Variants in SLC12A8 observed in about 807,000 individuals in gnomAD.
SLC12A8 encodes the protein solute carrier family 12 member 8.
Under a neutral mutation model 75.6 loss-of-function variants are expected in SLC12A8, and 69 were observed. The ratio of observed to expected loss-of-function variants is 0.91; its 90% CI spans 0.75 to 1.11. The LOEUF (loss-of-function observed/expected upper bound fraction) is 1.11, where lower values mean the gene tolerates loss of function less well. Ranked by LOEUF, SLC12A8 falls within the 50% of genes most tolerant of loss-of-function variation. SLC12A8 has a pLI of 0.00. For missense variants in SLC12A8, 877 were observed against 896.7 expected, an observed-to-expected ratio of 0.98 and a Z score of 0.28; for synonymous variants, 365 against 372.8, an observed-to-expected ratio of 0.98 and a Z score of 0.24.
chr3:125,116,408 C>T (rs1939312616), intron 8 of SLC12A8, among the ~76,000 whole-genome samples: 1 of 152,230 alleles, frequency 6.6e-6, no homozygotes, highest in East Asian at 1.9e-4. Flanking sequence ...AGTGTCATTG[C>T]TGGGCCTGAT....
At chr3:125,170,545 T>G (rs919226930) in intron 5 of SLC12A8, among the ~76,000 whole-genome samples, 2 of 152,198 alleles carry the variant, frequency 1.3e-5, no homozygotes, top group African/African-American at 4.8e-5. Context: ...TGGAATTTAA[T>G]TACACTTTTA....
intron 6 of SLC12A8, among the ~76,000 whole-genome samples, chr3:125,129,012 G>A (rs912266416): frequency 6.6e-6 from 1 of 152,332 alleles, no homozygotes; most frequent in South Asian, 2.1e-4. Context: ...GGGCATCACA[G>A]AAATAGCTGG....
At chr3:125,196,365 T>C (rs1935008766) in intron 2 of SLC12A8, among the ~76,000 whole-genome samples, 2 of 152,218 alleles carry the variant, frequency 1.3e-5, no homozygotes, top group African/African-American at 2.4e-5. Context: ...AAATGCCAGA[T>C]AGAAAATTTG....
Position 125,177,969 on chromosome 3 carries a change from A to G in SLC12A8, c.396T>C (p.Val132=). Residue 132 remains valine (V), a synonymous_variant, in exon 5 of 14, where the codon GTT becomes GTC. Transcript: ENST00000469902. Reference sequence around the variant, plus strand: ...AGCCGGTGATATACATGGCACCTGCAACACACTGACATGCGATTCCAGGTA... The same window carrying G: ...AGCCGGTGATATACATGGCACCTGCGACACACTGACATGCGATTCCAGGTA... ...IGLLYVFGQC[V]AGAMYITGFA... 6.2e-7 allele frequency: 1 copy of G among 1,612,086 alleles called. No individual in the cohort carries two copies. Among genetic ancestry groups the G allele is most frequent in the Non-Finnish European group, 8.5e-7 (1 of 1,178,912 alleles).
At chr3:125,087,365 T>C (rs949760983) in intron 13 of SLC12A8, among the ~76,000 whole-genome samples, 1 of 152,128 alleles carries the variant, frequency 6.6e-6, no homozygotes, top group Non-Finnish European at 1.5e-5. Flanking sequence ...AGTGCTGAGA[T>C]TACAGGCGTA....
chr3:125,112,335 C>A (rs1461557858), intron 8 of SLC12A8, among the ~76,000 whole-genome samples: 1 of 152,192 alleles, frequency 6.6e-6, no homozygotes, highest in Non-Finnish European at 1.5e-5. Flanking sequence ...ACCCCACTCA[C>A]CATTTTATTA....
chr3:125,116,974 C>T (rs2107748340), intron 8 of SLC12A8, among the ~76,000 whole-genome samples: 1 of 152,300 alleles, frequency 6.6e-6, no homozygotes, highest in African/African-American at 2.4e-5. Context: ...CTATAGATTC[C>T]TGCCCTGAGA....
At chr3:125,145,322 G>T (rs999386659) in intron 5 of SLC12A8, among the ~76,000 whole-genome samples, 3 of 152,158 alleles carry the variant, frequency 2.0e-5, no homozygotes, top group African/African-American at 7.2e-5. Flanking sequence ...ATTTTCTGGG[G>T]TGTCTCTGGC....
At chr3:125,128,417 T>C (rs1050880538) in intron 6 of SLC12A8, among the ~76,000 whole-genome samples, 4 of 146,392 alleles carry the variant, frequency 2.7e-5, no homozygotes, top group African/African-American at 5.1e-5. Context: ...CCTGACCTCG[T>C]GATCCGCCCG....
chr3:125,181,919 G>A (rs1397734795), intron 4 of SLC12A8, among the ~76,000 whole-genome samples: 2 of 152,178 alleles, frequency 1.3e-5, no homozygotes, highest in African/African-American at 4.8e-5. Context: ...AGGCCCAGTG[G>A]CTCATGCCTG....
chr3:125,107,327 G>T (rs1939052643), intron 10 of SLC12A8, 154 bp downstream of exon 10: 1 of 702,622 alleles, frequency 1.4e-6, no homozygotes, highest in African/African-American at 1.8e-5. Context: ...AAATAATTCA[G>T]CTGATACCTG....
At chr3:125,178,971 A>G (rs1406832038) in intron 4 of SLC12A8, among the ~76,000 whole-genome samples, 2 of 152,230 alleles carry the variant, frequency 1.3e-5, no homozygotes, top group Non-Finnish European at 2.9e-5. Context: ...CTTTTGGGAA[A>G]TATTTGAAAG....
At chr3:125,130,174 A>C (rs1222707434) in intron 6 of SLC12A8, among the ~76,000 whole-genome samples, 1 of 152,252 alleles carries the variant, frequency 6.6e-6, no homozygotes, top group Non-Finnish European at 1.5e-5. Context: ...TAAATCACAG[A>C]AAATAAATCT....
intron 5 of SLC12A8, among the ~76,000 whole-genome samples, chr3:125,136,649 A>T (rs1462247544): frequency 6.6e-6 from 1 of 152,232 alleles, no homozygotes; most frequent in East Asian, 1.9e-4. Flanking sequence ...GCCTATGGAC[A>T]CATCTCGCTT....
intron 5 of SLC12A8, among the ~76,000 whole-genome samples, chr3:125,175,008 C>A (rs1225278658): frequency 6.6e-6 from 1 of 152,060 alleles, no homozygotes; most frequent in Non-Finnish European, 1.5e-5. Context: ...CACATTAACA[C>A]AGGATATTAA....
chr3:125,139,841 T>C (rs1202438625), intron 5 of SLC12A8, among the ~76,000 whole-genome samples: 1 of 152,226 alleles, frequency 6.6e-6, no homozygotes, highest in Non-Finnish European at 1.5e-5. Flanking sequence ...TTCTTTTAGT[T>C]GCCCCCATTT....
At chr3:125,188,589 G>T (rs1934841911) in intron 3 of SLC12A8, among the ~76,000 whole-genome samples, 1 of 152,196 alleles carries the variant, frequency 6.6e-6, no homozygotes, top group African/African-American at 2.4e-5. Flanking sequence ...AGAGGCAGTG[G>T]ACACAGCACT....
chr3:125,121,696 C>T (rs1560058530), intron 6 of SLC12A8, among the ~76,000 whole-genome samples: 1 of 152,192 alleles, frequency 6.6e-6, no homozygotes, highest in African/African-American at 2.4e-5. Flanking sequence ...TAAGGTCACA[C>T]ATTTAATAAG....
intron 12 of SLC12A8, among the ~76,000 whole-genome samples, chr3:125,088,791 A>G (rs1938521115): frequency 6.6e-6 from 1 of 152,222 alleles, no homozygotes; most frequent in Admixed American, 6.5e-5. Context: ...TCATCCTTAT[A>G]ATCATCACAG....
Sources: gnomAD v4.1 joint callset for allele counts (sites outside exome capture counted in the v4.1 genomes callset) on GRCh38, gnomAD v4.1.1 for gene constraint, MANE v1.5 for transcripts, NCBI Gene and HGNC (gene_info 2026-07-23, HGNC 2026-07-21) for gene names.